The following PAWR variants were observed in gnomAD, a reference collection of about 807,000 sequenced individuals.
PAWR encodes pro-apoptotic WT1 regulator.
Under a neutral mutation model 32.0 loss-of-function variants are expected in PAWR, and 23 were observed. The observed-to-expected ratio is 0.72, with a 90% CI of 0.52 to 1.02. PAWR has a LOEUF of 1.02. Ranked by LOEUF, PAWR falls within the 50% of genes least tolerant of loss-of-function variation. The pLI is 0.00. For missense variants in PAWR, 457 were observed against 437.7 expected (o/e 1.04, Z -0.39); for synonymous variants, 226 against 187.1 (o/e 1.21, Z -1.70).
At chr12:79,672,154 T>C (rs890961616) in intron 2 of PAWR, among the ~76,000 whole-genome samples, 1 of 152,126 alleles carries the variant, frequency 6.6e-6, no homozygotes, top group Admixed American at 6.5e-5. Flanking sequence ...TGTATTGCTG[T>C]AGTGGTCTGC....
At chr12:79,639,432 T>G (rs1008588684) in intron 2 of PAWR, among the ~76,000 whole-genome samples, 2 of 152,166 alleles carry the variant, frequency 1.3e-5, no homozygotes, top group Admixed American at 6.5e-5. Context: ...ATGGCTAGGT[T>G]TCCACATGCA....
chr12:79,658,411 T>TA (rs560745495), intron 2 of PAWR, among the ~76,000 whole-genome samples: 41 of 152,274 alleles, frequency 2.7e-4, no homozygotes, highest in Non-Finnish European at 4.9e-4. Flanking sequence ...CCAGTTTTTC[T>TA]TTTTTAGTGA....
At chr12:79,665,427 A>G (rs1000829686) in intron 2 of PAWR, among the ~76,000 whole-genome samples, 1 of 152,198 alleles carries the variant, frequency 6.6e-6, no homozygotes, top group African/African-American at 2.4e-5. Context: ...TGACTATTTA[A>G]ACTGCCAAAT....
chr12:79,592,597 C>T lies in PAWR; in HGVS notation c.*10G>A. 1 of 755,872 alleles carries T rather than the reference C, an allele frequency of 1.3e-6. No individual in the cohort carries two copies. The allele number at this position is 755,872 out of a possible 1,614,324, so 46.8% of individuals were successfully genotyped here. A position where few individuals can be genotyped will look rare whatever the true frequency, so the allele number is the denominator to read the frequency against. ...TTAAAATATTTTTTCCACATTGAGTCTTGAATCCTCTACCTGGTCAGCTGA... is the reference window on the plus strand; with the variant it reads ...TTAAAATATTTTTTCCACATTGAGTTTTGAATCCTCTACCTGGTCAGCTGA... On this transcript the variant is annotated 3_prime_UTR_variant, in exon 7 of 7. Transcript: ENST00000328827.
intron 2 of PAWR, among the ~76,000 whole-genome samples, chr12:79,639,719 C>A (rs1267997253): frequency 6.6e-6 from 1 of 152,148 alleles, no homozygotes; most frequent in Non-Finnish European, 1.5e-5. Flanking sequence ...ACTAAAACTA[C>A]CTTGTATGTT....
At chr12:79,651,043 G>T (rs1876819526) in intron 2 of PAWR, among the ~76,000 whole-genome samples, 1 of 152,222 alleles carries the variant, frequency 6.6e-6, no homozygotes, top group Non-Finnish European at 1.5e-5. Flanking sequence ...AATAAGGCCA[G>T]TACAATAGGA....
chr12:79,620,527 G>C (rs1472774142), intron 3 of PAWR, among the ~76,000 whole-genome samples: 3 of 152,160 alleles, frequency 2.0e-5, no homozygotes, highest in African/African-American at 7.2e-5. Flanking sequence ...GGAAGGTAAG[G>C]CCTCATTTGT....
At chr12:79,673,192 C>T (rs1476928976) in intron 2 of PAWR, among the ~76,000 whole-genome samples, 3 of 152,080 alleles carry the variant, frequency 2.0e-5, no homozygotes, top group African/African-American at 7.2e-5. Flanking sequence ...CCCTCAGCCT[C>T]CCGAGTAGCT....
chr12:79,639,846 A>G (rs773516676), intron 2 of PAWR, among the ~76,000 whole-genome samples: 1 of 90,774 alleles, frequency 1.1e-5, no homozygotes. Context: ...TCCTATTCCT[A>G]TTCCTATTCC....
chr12:79,611,343 T>TTA (rs985211715), intron 4 of PAWR, among the ~76,000 whole-genome samples: 3 of 148,610 alleles, frequency 2.0e-5, no homozygotes, highest in South Asian at 2.1e-4. Flanking sequence ...CTATTTTCAG[T>TTA]TATATATATA....
intron 2 of PAWR, among the ~76,000 whole-genome samples, chr12:79,671,446 T>C (rs1408834454): frequency 6.6e-6 from 1 of 152,220 alleles, no homozygotes; most frequent in Non-Finnish European, 1.5e-5. Context: ...AATTCAAATA[T>C]ATGGCTATAG....
intron 2 of PAWR, among the ~76,000 whole-genome samples, chr12:79,638,138 C>CA (rs58631565): frequency 0.058 from 8,050 of 137,678 alleles, 617 homozygotes; most frequent in African/African-American, 0.17. Context: ...TTTTGGGTTT[C>CA]AAAAAAAAAA....
intron 2 of PAWR, among the ~76,000 whole-genome samples, chr12:79,670,011 T>C (rs770135174): frequency 1.3e-5 from 2 of 152,210 alleles, no homozygotes; most frequent in Non-Finnish European, 2.9e-5. Flanking sequence ...TTTTTTGTTC[T>C]TAAACAGGTT....
intron 2 of PAWR, among the ~76,000 whole-genome samples, chr12:79,645,068 A>ACACACACACC (rs1555175769): frequency 1.3e-4 from 19 of 151,232 alleles, no homozygotes; most frequent in African/African-American, 4.1e-4. Flanking sequence ...ACACACACAC[A>ACACACACACC]AAAATCAATG....
chr12:79,689,531 A>C (rs1415669896), intron 2 of PAWR, among the ~76,000 whole-genome samples, 198 bp downstream of exon 2: 2 of 152,102 alleles, frequency 1.3e-5, no homozygotes, highest in Admixed American at 6.5e-5. Context: ...CACGTGTCCT[A>C]CTCTGAGTTT....
chr12:79,662,075 A>C (rs566697073), intron 2 of PAWR, among the ~76,000 whole-genome samples: 2 of 152,234 alleles, frequency 1.3e-5, no homozygotes, highest in South Asian at 4.1e-4. Flanking sequence ...GTCAATACGC[A>C]TAGTAGCATT....
chr12:79,636,202 T>C (rs1254023027), intron 2 of PAWR, among the ~76,000 whole-genome samples: 1 of 152,162 alleles, frequency 6.6e-6, no homozygotes, highest in Non-Finnish European at 1.5e-5. Context: ...AATAAGTTCA[T>C]AGACTAAATA....
intron 4 of PAWR, chr12:79,604,466 G>A (rs1301897436): frequency 3.7e-6 from 4 of 1,075,980 alleles, no homozygotes; most frequent in Non-Finnish European, 4.5e-6. Flanking sequence ...ATTATAGCTA[G>A]AGGAATTTTC....
At chr12:79,621,007 C>A in intron 3 of PAWR, 69 bp downstream of exon 3, 1 of 1,165,324 alleles carries the variant, frequency 8.6e-7, no homozygotes, top group South Asian at 1.4e-5. Context: ...CTACATACAA[C>A]TCAAGAGGCA....
Sources: gnomAD v4.1 joint callset for allele counts (sites outside exome capture counted in the v4.1 genomes callset) on GRCh38, gnomAD v4.1.1 for gene constraint, MANE v1.5 for transcripts, NCBI Gene and HGNC (gene_info 2026-07-23, HGNC 2026-07-21) for gene names.